Variants in UTP20 observed in about 807,000 individuals in gnomAD.
UTP20 encodes the protein UTP20 small subunit processome component, also known as small subunit processome component 20 homolog.
In UTP20, 164 loss-of-function variants were observed where a neutral mutation model predicts 329.5. The ratio of observed to expected loss-of-function variants is 0.50; its 90% CI spans 0.44 to 0.57. The LOEUF is 0.57. UTP20 is among the 20% of genes least tolerant of loss of function. UTP20 has a pLI of 0.00. For missense variants in UTP20, 3,055 were observed against 3,284.2 expected (o/e 0.93, Z 1.71); for synonymous variants, 1,151 against 1,159.3 (o/e 0.99, Z 0.14).
At chr12:101,352,469 C>T (rs565835593) in intron 39 of UTP20, among the ~76,000 whole-genome samples, 4 of 152,240 alleles carry the variant, frequency 2.6e-5, no homozygotes, top group Non-Finnish European at 4.4e-5. Context: ...CCTGAGGAAT[C>T]GCCACACTGA....
intron 57 of UTP20, among the ~76,000 whole-genome samples, chr12:101,379,896 T>A (rs1018082844): frequency 5.3e-5 from 8 of 151,700 alleles, no homozygotes; most frequent in Non-Finnish European, 2.9e-5. Context: ...CTCGGGTCAC[T>A]GCAACCTCTG....
chr12:101,305,611 T>TTATATATA lies in UTP20; in HGVS notation c.1782-293_1782-286dup, dbSNP rs34841818. 1.2e-3 allele frequency among the ~76,000 whole-genome samples: 174 copies of TTATATATA among 144,566 alleles called. 1 individual carries two copies. The highest frequency in any genetic ancestry group is 4.1e-3 in the African/African-American group (161 of 39,670). 94.8% of individuals were successfully genotyped at this position (144,566 alleles called of 152,430 possible). A position where few individuals can be genotyped will look rare whatever the true frequency, so the allele number is the denominator to read the frequency against. On this transcript the variant is annotated intron_variant, in intron 15 of 61. Coordinates refer to ENST00000261637, the MANE Select transcript of UTP20 (RefSeq NM_014503.3). The stretch of plus-strand genomic sequence containing the variant: ...TAAAATATAAATTAAATAATAAATA[T>TTATATATA]TATATATATATATATATAAGTGGCT...
intron 22 of UTP20, among the ~76,000 whole-genome samples, chr12:101,317,974 C>A (rs774723588): frequency 2.6e-5 from 4 of 152,100 alleles, no homozygotes; most frequent in South Asian, 4.1e-4. Flanking sequence ...TGACCTTTGT[C>A]GTGCACTTTC....
In UTP20 at chr12:101,379,541, A is replaced by G; in HGVS notation, c.7567A>G (p.Ser2523Gly). The G allele has an allele frequency of 6.2e-7, 1 of 1,612,374 alleles. No homozygotes were observed. The change falls in exon 57 of 62, where the codon AGT (serine) becomes GGT (glycine). Residue 2523 changes from serine (S) to glycine (G), a missense_variant. Coordinates refer to ENST00000261637, the MANE Select transcript of UTP20 (RefSeq NM_014503.3). ...ACCTGTAGCAATCAAGTTCCTAGCC[A>G]GTGACCTTGACCAAAAGGTAAGCTT... ...PEPVAIKFLA[S>G]DLDQKMKSIS...
chr12:101,374,108 G>A (rs1018001394), intron 54 of UTP20, among the ~76,000 whole-genome samples: 39 of 150,398 alleles, frequency 2.6e-4, no homozygotes, highest in Non-Finnish European at 5.1e-4. Context: ...AGTGGCGGGC[G>A]CCTGTAGTCC....
At chr12:101,383,471 A>G in intron 59 of UTP20, 72 bp from the exon 60 acceptor site, 1 of 1,557,666 alleles carries the variant, frequency 6.4e-7, no homozygotes, top group African/African-American at 1.4e-5. Context: ...CTGTTTTCTC[A>G]ATTAATGCTG....
chr12:101,291,728 T>G lies in UTP20; in HGVS notation c.892-14T>G. 6.4e-7 allele frequency: 1 copy of G among 1,555,142 alleles called. No homozygotes were observed. The highest frequency in any genetic ancestry group is 8.7e-7 in the Non-Finnish European group (1 of 1,153,194). On this transcript the variant is annotated splice_polypyrimidine_tract_variant and intron_variant, in intron 8 of 61. Coordinates refer to ENST00000261637, the MANE Select transcript of UTP20 (RefSeq NM_014503.3). ...GATACTTTATATTCTCTCTGTTAAATTCTTTGTTTGCAGGAATCGCTCTTG... is the reference window on the plus strand; with the variant it reads ...GATACTTTATATTCTCTCTGTTAAAGTCTTTGTTTGCAGGAATCGCTCTTG...
chr12:101,294,257 G>C (rs1412636695), intron 11 of UTP20, among the ~76,000 whole-genome samples: 1 of 151,942 alleles, frequency 6.6e-6, no homozygotes, highest in Non-Finnish European at 1.5e-5. Context: ...GGATGGTCTT[G>C]ATCTCCTGAC....
At position 101,381,345 on chromosome 12, in the gene UTP20, C is replaced by A. The variant is rs565682872; in HGVS notation, c.7656+134C>A. 260 of 704,360 alleles carry A rather than the reference C, an allele frequency of 3.7e-4. 1 individual carries two copies. The highest frequency in any genetic ancestry group is 2.7e-3 in the South Asian group (158 of 57,584). The allele number at this position is 704,360 out of a possible 1,614,324, so 43.6% of individuals were successfully genotyped here. On this transcript the variant is annotated intron_variant, in intron 58 of 61. Coordinates refer to ENST00000261637, the MANE Select transcript of UTP20 (RefSeq NM_014503.3). Reference sequence around the variant, plus strand: ...GTCAGGAGTTCGAGATGAGCCTGGCCAACATGGCGAAACCCCATCTCTACT... The same window carrying A: ...GTCAGGAGTTCGAGATGAGCCTGGCAAACATGGCGAAACCCCATCTCTACT...
In UTP20 at chr12:101,281,602, C is replaced by T. The variant is rs187164659; in HGVS notation, c.126+406C>T. Among the ~76,000 whole-genome samples, 21 of 152,178 alleles carry T rather than the reference C, an allele frequency of 1.4e-4. No individual in the cohort carries two copies. In the East Asian group the frequency reaches 2.7e-3, roughly 20 times the overall value. On this transcript the variant is annotated intron_variant, in intron 2 of 61. Coordinates refer to ENST00000261637, the MANE Select transcript of UTP20 (RefSeq NM_014503.3). ...AGTGATTTTGAGGAAGCCCTTTTCC[C>T]GGGGCTTAATTTTCTCCTTTATAAA...
intron 46 of UTP20, 85 bp downstream of exon 46, chr12:101,365,710 T>TA: frequency 1.7e-6 from 2 of 1,161,578 alleles, no homozygotes. Context: ...TTTGCTTTAG[T>TA]AAAAAATAAA....
At chr12:101,339,870 G>A (rs1184935095) in intron 31 of UTP20, among the ~76,000 whole-genome samples, 1 of 152,110 alleles carries the variant, frequency 6.6e-6, no homozygotes, top group East Asian at 1.9e-4. Context: ...TGATATGTTC[G>A]AATCCTCTAG....
At chr12:101,302,877 A>G (rs1474233065) in intron 15 of UTP20, among the ~76,000 whole-genome samples, 1 of 152,250 alleles carries the variant, frequency 6.6e-6, no homozygotes, top group Non-Finnish European at 1.5e-5. Flanking sequence ...AGTGGTTCCA[A>G]CATGCACATT....
chr12:101,371,250 T>G, intron 51 of UTP20, 82 bp downstream of exon 51: 1 of 979,588 alleles, frequency 1.0e-6, no homozygotes, highest in Non-Finnish European at 1.5e-6. Context: ...CTGGCTGAAT[T>G]CTGAAGACCA....
At chr12:101,294,993 C>T (rs1872301923) in intron 11 of UTP20, among the ~76,000 whole-genome samples, 1 of 152,130 alleles carries the variant, frequency 6.6e-6, no homozygotes, top group Admixed American at 6.5e-5. Context: ...CTCAATTTTT[C>T]TTTTTCTTCT....
intron 25 of UTP20, 71 bp from the exon 26 acceptor site, chr12:101,327,010 T>G: frequency 4.0e-6 from 6 of 1,498,728 alleles, no homozygotes; most frequent in Non-Finnish European, 5.4e-6. Context: ...TCTTCTAGCC[T>G]TTTAGGCAAA....
At chr12:101,345,443 T>TA in intron 36 of UTP20, 111 bp from the exon 37 acceptor site, 1 of 757,096 alleles carries the variant, frequency 1.3e-6, no homozygotes, top group Non-Finnish European at 2.0e-6. Context: ...CTTTTTTTTT[T>TA]AACAGTGGAA....
intron 48 of UTP20, among the ~76,000 whole-genome samples, 188 bp from the exon 49 acceptor site, chr12:101,369,533 C>G (rs551754995): frequency 6.6e-6 from 1 of 152,212 alleles, no homozygotes; most frequent in African/African-American, 2.4e-5. Context: ...GCAATAAATT[C>G]TTCTACAACC....
intron 57 of UTP20, 105 bp downstream of exon 57, chr12:101,379,663 A>G (rs1056650807): frequency 1.6e-6 from 2 of 1,259,922 alleles, no homozygotes; most frequent in East Asian, 2.4e-5. Flanking sequence ...TCTTCCAACC[A>G]ACAATTTGTT....
Sources: allele counts gnomAD v4.1 joint callset (sites outside exome capture counted in the v4.1 genomes callset), GRCh38; gene constraint gnomAD v4.1.1; transcripts MANE v1.5; gene names NCBI Gene and HGNC (gene_info 2026-07-23, HGNC 2026-07-21).